The following TRPA1 variants were observed in gnomAD, a reference collection of about 807,000 sequenced individuals.
TRPA1 encodes the protein ankyrin-like with transmembrane domains 1.
A neutral mutation model predicts 131.3 loss-of-function variants in TRPA1; 129 were observed. The ratio of observed to expected loss-of-function variants is 0.98; its 90% CI spans 0.85 to 1.14. The LOEUF (loss-of-function observed/expected upper bound fraction) is 1.14, where lower values mean the gene tolerates loss of function less well. TRPA1 is among the 50% of genes most tolerant of loss of function. The probability of loss-of-function intolerance (pLI) is 0.00; values close to 1 mark genes in which losing one functional copy is unlikely to be tolerated. For synonymous variants in TRPA1, 441 were observed against 451.7 expected (o/e 0.98, Z 0.30); for missense variants, 1,304 against 1,354.2 (o/e 0.96, Z 0.58).
At chr8:72,061,475 C>T (rs541241184) in intron 7 of TRPA1, 150 bp downstream of exon 7, 24 of 840,852 alleles carry the variant, frequency 2.9e-5, no homozygotes, top group African/African-American at 1.0e-4. Flanking sequence ...TACGCGATTC[C>T]GGTTGATCCA....
intron 7 of TRPA1, chr8:72,060,254 A>G (rs1585880878): frequency 6.6e-6 from 1 of 151,884 alleles, no homozygotes; most frequent in African/African-American, 2.4e-5. Flanking sequence ...CTAAAGATAC[A>G]TTTAACAATA....
At chr8:72,046,317 C>T (rs1187984070) in intron 17 of TRPA1, among the ~76,000 whole-genome samples, 196 bp downstream of exon 17, 1 of 151,864 alleles carries the variant, frequency 6.6e-6, no homozygotes, top group Non-Finnish European at 1.5e-5. Context: ...AGTATTAAAA[C>T]ATTTTAGACT....
intron 23 of TRPA1, among the ~76,000 whole-genome samples, chr8:72,032,615 T>C (rs1811869923): frequency 1.3e-5 from 2 of 152,312 alleles, no homozygotes; most frequent in East Asian, 1.9e-4. Flanking sequence ...ATCTTCAGAA[T>C]GGGGCCAACC....
intron 17 of TRPA1, among the ~76,000 whole-genome samples, chr8:72,044,899 A>G (rs911407732): frequency 2.6e-5 from 4 of 151,988 alleles, no homozygotes; most frequent in Admixed American, 2.0e-4. Context: ...TTTAAATTAT[A>G]CTTTGCCCAT....
upstream of TRPA1, among the ~76,000 whole-genome samples, chr8:72,077,326 C>T (rs1386133217): frequency 6.6e-6 from 1 of 151,690 alleles, no homozygotes; most frequent in African/African-American, 2.4e-5. Context: ...GCAGGGAACT[C>T]CAGCAATGGA....
At position 72,033,838 on chromosome 8, in the gene TRPA1, C is replaced by A. The variant is rs147736980; in HGVS notation, c.2686-12G>T. 3.7e-6 allele frequency: 6 copies of A among 1,612,488 alleles called. No homozygotes were observed. The Admixed American group carries it at 1.0e-4, about 27-fold the overall frequency. ...GAGCTGAAGGGATCCTGAAAGCAGACGGTGAGGTACAAATGAAATGCAAAG... is the reference window on the plus strand; with the variant it reads ...GAGCTGAAGGGATCCTGAAAGCAGAAGGTGAGGTACAAATGAAATGCAAAG... On this transcript the variant is annotated splice_polypyrimidine_tract_variant and intron_variant, in intron 22 of 26. Coordinates refer to ENST00000262209, the MANE Select transcript of TRPA1 (RefSeq NM_007332.3).
chr8:72,056,744 C>T (rs1157619690), intron 10 of TRPA1, among the ~76,000 whole-genome samples, 173 bp downstream of exon 10: 1 of 152,074 alleles, frequency 6.6e-6, no homozygotes, highest in Non-Finnish European at 1.5e-5. Flanking sequence ...TAATCATCAC[C>T]ACCACCACCA....
intron 14 of TRPA1, among the ~76,000 whole-genome samples, chr8:72,051,530 G>C (rs1805508265): frequency 6.6e-6 from 1 of 152,048 alleles, no homozygotes; most frequent in Non-Finnish European, 1.5e-5. Context: ...AACCCATCTA[G>C]TATATCTACA....
chr8:72,033,726 T>C lies in TRPA1; in HGVS notation c.2786A>G (p.Asn929Ser). 6.2e-7 allele frequency: 1 copy of C among 1,614,082 alleles called. No homozygotes were observed. The highest frequency in any genetic ancestry group is 8.5e-7 in the Non-Finnish European group (1 of 1,179,962). The change falls in exon 23 of 27, where the codon AAT becomes AGT. Residue 929 changes from asparagine to serine, a missense_variant. Coordinates refer to ENST00000262209, the MANE Select transcript of TRPA1 (RefSeq NM_007332.3). ...GGACAGAACTGGATGTGCCAATTCA[T>C]TTCTCAGATATGGTTCTAGGAAGGA... ...RESFLEPYLR[N>S]ELAHPVLSFA...
At position 72,038,050 on chromosome 8, in the gene TRPA1, C is replaced by T; in HGVS notation, c.2318G>A (p.Cys773Tyr). The change falls in exon 20 of 27, where the codon TGT becomes TAT. Residue 773 changes from cysteine to tyrosine, a missense_variant. Transcript: ENST00000262209. The part of the protein sequence containing the change: ...DTTNSYLIKT[C>Y]MILVFLSSIF... Reference sequence around the variant, plus strand: ...ACTTGATAAAAACACTAAAATCATACAAGTTTTTATTAGATATGAATTCTA... The same window carrying T: ...ACTTGATAAAAACACTAAAATCATATAAGTTTTTATTAGATATGAATTCTA... 1 of 1,582,542 alleles carries T rather than the reference C, an allele frequency of 6.3e-7. No homozygotes were observed. The highest frequency in any genetic ancestry group is 8.7e-7 in the Non-Finnish European group (1 of 1,153,908).
In TRPA1 at chr8:72,075,311, C is replaced by T; in HGVS notation, c.99G>A (p.Lys33=). 6.2e-7 allele frequency: 1 copy of T among 1,613,456 alleles called. No individual in the cohort carries two copies. Among genetic ancestry groups the T allele is most frequent in the Non-Finnish European group, 8.5e-7 (1 of 1,179,764 alleles). ...GCCCCCAGAGTACCTTAAGCGATTCCTTGAAATCCTCCGTGTCGTCCGGCA... is the reference window on the plus strand; with the variant it reads ...GCCCCCAGAGTACCTTAAGCGATTCTTTGAAATCCTCCGTGTCGTCCGGCA... ...EDVPDDTEDF[K]ESLKVVFEGS... Residue 33 remains lysine (K), a synonymous_variant, in exon 1 of 27, where the codon AAG becomes AAA. Transcript: ENST00000262209.
In TRPA1 at chr8:72,033,803, A is replaced by T. The variant is rs1181394516; in HGVS notation, c.2709T>A (p.Leu903=). The T allele has an allele frequency of 3.7e-6, 6 of 1,613,930 alleles. No individual in the cohort carries two copies. Among genetic ancestry groups the T allele is most frequent in the Admixed American group, 1.7e-5 (1 of 60,008 alleles). The change falls in exon 23 of 27, where the codon CTT becomes CTA. Residue 903 remains leucine (L), a synonymous_variant. Coordinates refer to ENST00000262209, the MANE Select transcript of TRPA1 (RefSeq NM_007332.3). ...NLQDPFSSPL[L]SIIQTFSMML... ...TCATGCTGAAGGTCTGGATTATAGA[A>T]AGCAATGGAGAGCTGAAGGGATCCT...
intron 7 of TRPA1, chr8:72,060,307 AAG>A (rs1198083147): frequency 6.6e-6 from 1 of 152,036 alleles, no homozygotes; most frequent in African/African-American, 2.4e-5. Flanking sequence ...ATTGGAATCA[AAG>A]AGTTTTTTTC....
intron 17 of TRPA1, among the ~76,000 whole-genome samples, chr8:72,043,801 A>G (rs1812337045): frequency 6.6e-6 from 1 of 151,894 alleles, no homozygotes; most frequent in Non-Finnish European, 1.5e-5. Flanking sequence ...AAAAGCCTAT[A>G]CTATAATTTT....
chr8:72,050,193 G>A (rs538285527), intron 15 of TRPA1, among the ~76,000 whole-genome samples: 12 of 152,168 alleles, frequency 7.9e-5, no homozygotes, highest in African/African-American at 2.9e-4. Context: ...AACATGTGGC[G>A]TTTGGTTTTC....
At chr8:72,075,608 C>T (rs73687869), upstream of TRPA1, 9,240 of 595,526 alleles carry the variant, frequency 0.016, 299 homozygotes, top group South Asian at 0.068. Context: ...GCCCGCGCTA[C>T]TTTTGTAGTG....
In TRPA1 at chr8:72,037,972, G is replaced by T; in HGVS notation, c.2385+11C>A. 1 of 1,513,872 alleles carries T rather than the reference G, an allele frequency of 6.6e-7. No individual in the cohort carries two copies. Among genetic ancestry groups the T allele is most frequent in the South Asian group, 1.1e-5 (1 of 88,624 alleles). The allele number at this position is 1,513,872 out of a possible 1,614,324, so 93.8% of individuals were successfully genotyped here. A position where few individuals can be genotyped will look rare whatever the true frequency, so the allele number is the denominator to read the frequency against. On this transcript the variant is annotated intron_variant, in intron 20 of 26. Coordinates refer to ENST00000262209, the MANE Select transcript of TRPA1 (RefSeq NM_007332.3). ...ATGTGCAACTTTAGAGATACAAAAT[G>T]TATTACATACCTGTTGGAAAATTTG...
intron 7 of TRPA1, among the ~76,000 whole-genome samples, chr8:72,060,086 T>G (rs1450238805): frequency 6.6e-6 from 1 of 152,052 alleles, no homozygotes; most frequent in Non-Finnish European, 1.5e-5. Context: ...ATACATAAAT[T>G]TCAGAATCAG....
chr8:72,033,944 T>G, intron 22 of TRPA1, 118 bp from the exon 23 acceptor site: 1 of 990,918 alleles, frequency 1.0e-6, no homozygotes, highest in Non-Finnish European at 1.6e-6. Flanking sequence ...CATAGGCATA[T>G]AGCTGTTGAA....
Sources: gnomAD v4.1 joint callset for allele counts (sites outside exome capture counted in the v4.1 genomes callset) on GRCh38, gnomAD v4.1.1 for gene constraint, MANE v1.5 for transcripts, NCBI Gene and HGNC (gene_info 2026-07-23, HGNC 2026-07-21) for gene names.